The following YTHDC2 variants were observed in gnomAD, a reference collection of about 807,000 sequenced individuals.
YTHDC2 encodes the protein 3'-5' RNA helicase YTHDC2.
YTHDC2 carries 45 observed loss-of-function variants against 174.9 expected under a neutral mutation model. The observed-to-expected ratio is 0.26, with a 90% CI of 0.20 to 0.33. YTHDC2 has a LOEUF of 0.33. Ranked by LOEUF, YTHDC2 falls within the 10% of genes least tolerant of loss-of-function variation. The pLI is 1.00. For missense variants in YTHDC2, 1,650 were observed against 1,723.7 expected (o/e 0.96, Z 0.76); for synonymous variants, 657 against 574.5 (o/e 1.14, Z -2.05).
intron 18 of YTHDC2, among the ~76,000 whole-genome samples, chr5:113,562,701 C>T (rs995813642): frequency 6.6e-6 from 1 of 152,082 alleles, no homozygotes; most frequent in Admixed American, 6.5e-5. Context: ...CCCCTTATTC[C>T]TTATATAGTT....
At chr5:113,566,043 C>G in intron 21 of YTHDC2, 24 bp downstream of exon 21, 1 of 1,584,130 alleles carries the variant, frequency 6.3e-7, no homozygotes. Context: ...CTCAAAGAGC[C>G]TATTTAAGTT....
chr5:113,565,858 ATG>A, intron 20 of YTHDC2, 33 bp from the exon 21 acceptor site: 2 of 1,595,924 alleles, frequency 1.3e-6, no homozygotes, highest in Non-Finnish European at 1.7e-6. Flanking sequence ...CGATTAGTAA[ATG>A]TGTCTTGTTA....
intron 26 of YTHDC2, among the ~76,000 whole-genome samples, chr5:113,589,283 T>A (rs1445921738): frequency 6.6e-6 from 1 of 151,572 alleles, no homozygotes; most frequent in African/African-American, 2.4e-5. Flanking sequence ...TCTACTGTTT[T>A]GTCTGTACGT....
chr5:113,556,844 T>A (rs1270014087), intron 17 of YTHDC2, among the ~76,000 whole-genome samples: 1 of 152,190 alleles, frequency 6.6e-6, no homozygotes, highest in Non-Finnish European at 1.5e-5. Context: ...AGACTGTTCT[T>A]TGAAGCATTG....
chr5:113,566,996 C>T (rs967347267), intron 21 of YTHDC2, 96 bp from the exon 22 acceptor site: 9 of 1,339,440 alleles, frequency 6.7e-6, no homozygotes, highest in South Asian at 1.5e-5. Context: ...ATTTGAATAT[C>T]ACAAAATTTA....
At chr5:113,580,717 T>A (rs1380733007) in intron 24 of YTHDC2, among the ~76,000 whole-genome samples, 2 of 152,214 alleles carry the variant, frequency 1.3e-5, no homozygotes, top group Non-Finnish European at 2.9e-5. Context: ...AAATGTGACC[T>A]CTATTATTTA....
intron 25 of YTHDC2, 38 bp from the exon 26 acceptor site, chr5:113,584,264 A>G: frequency 6.4e-7 from 1 of 1,569,286 alleles, no homozygotes; most frequent in Non-Finnish European, 8.7e-7. Flanking sequence ...TGACGAACTT[A>G]TATATAACTG....
At chr5:113,514,450 G>C (rs1201676759) in intron 1 of YTHDC2, among the ~76,000 whole-genome samples, 2 of 152,232 alleles carry the variant, frequency 1.3e-5, no homozygotes, top group Admixed American at 6.5e-5. Flanking sequence ...TACAGATGTA[G>C]AAGAGCAGAA....
chr5:113,518,153 G>T (rs1429420237), intron 2 of YTHDC2, among the ~76,000 whole-genome samples: 1 of 149,412 alleles, frequency 6.7e-6, no homozygotes, highest in East Asian at 2.0e-4. Flanking sequence ...CTCCCAAAGT[G>T]CTGGGATTAC....
At chr5:113,550,127 A>AC (rs397711184) in intron 12 of YTHDC2, among the ~76,000 whole-genome samples, 4,707 of 149,314 alleles carry the variant, frequency 0.032, 96 homozygotes, top group African/African-American at 0.054. Context: ...GAAAAAAAAA[A>AC]CGGGTAAAAC....
chr5:113,542,018 T>A (rs991100442), intron 9 of YTHDC2, among the ~76,000 whole-genome samples: 2 of 152,160 alleles, frequency 1.3e-5, no homozygotes, highest in African/African-American at 4.8e-5. Context: ...GGACCTGGCA[T>A]CAGTATTAAA....
chr5:113,587,640 CATT>C (rs532230746), intron 26 of YTHDC2, among the ~76,000 whole-genome samples: 54 of 147,758 alleles, frequency 3.7e-4, no homozygotes, highest in Middle Eastern at 3.5e-3. Flanking sequence ...GGTACACTGA[CATT>C]ATTTTAGTAG....
In YTHDC2 at chr5:113,553,683, A is replaced by T. The variant is rs74322600; in HGVS notation, c.1961A>T (p.His654Leu). The T allele has an allele frequency of 2.5e-6, 4 of 1,613,492 alleles. No individual in the cohort carries two copies. The Admixed American group carries it at 5.0e-5, about 20-fold the overall frequency. The change falls in exon 14 of 30, where the codon CAT becomes CTT. Residue 654 changes from histidine (H) to leucine (L), a missense_variant. This residue lies in a region of YTHDC2 where 913 missense variants were observed against 940.4 expected (regional missense o/e 0.97). Transcript: ENST00000161863. ...GACAAGCGGTTTGCTGACAGTACAC[A>T]TAGGTAAGGGCTAAAGCCTTATATC... ...FDDKRFADST[H>L]RYQVFMLHSN...
At chr5:113,528,535 T>C (rs948945447) in intron 4 of YTHDC2, among the ~76,000 whole-genome samples, 9 of 151,934 alleles carry the variant, frequency 5.9e-5, no homozygotes, top group African/African-American at 1.9e-4. Flanking sequence ...TTTTTTTTTT[T>C]CTTTTGCGAC....
chr5:113,555,997 A>G (rs971503414), intron 16 of YTHDC2, 55 bp from the exon 17 acceptor site: 2 of 1,096,972 alleles, frequency 1.8e-6, no homozygotes, highest in Admixed American at 2.0e-5. Context: ...CATTCTTGCT[A>G]TTACCTTTTA....
At chr5:113,584,152 A>C in intron 25 of YTHDC2, 150 bp from the exon 26 acceptor site, 1 of 609,316 alleles carries the variant, frequency 1.6e-6, no homozygotes, top group East Asian at 2.9e-5. Flanking sequence ...TCCTGACCTT[A>C]GTATTTTTAA....
At chr5:113,530,114 A>G (rs939527661) in intron 4 of YTHDC2, among the ~76,000 whole-genome samples, 1 of 152,182 alleles carries the variant, frequency 6.6e-6, no homozygotes, top group African/African-American at 2.4e-5. Flanking sequence ...TCCTATAAAT[A>G]TTTTATTCTA....
At chr5:113,565,739 A>G (rs1324438719) in intron 20 of YTHDC2, 154 bp from the exon 21 acceptor site, 2 of 700,002 alleles carry the variant, frequency 2.9e-6, no homozygotes, top group Non-Finnish European at 4.2e-6. Flanking sequence ...TTAATGATAA[A>G]TATTATTTGA....
Position 113,539,149 on chromosome 5 carries a change from A to C in YTHDC2, c.1178A>C (p.Glu393Ala), listed in dbSNP as rs371670755. 3.6e-4 allele frequency: 503 copies of C among 1,397,790 alleles called. No homozygotes were observed. The highest frequency in any genetic ancestry group is 4.5e-4 in the Non-Finnish European group (466 of 1,040,488). The allele number at this position is 1,397,790 out of a possible 1,614,324, so 86.6% of individuals were successfully genotyped here. Residue 393 changes from glutamate to alanine, a missense_variant, in exon 8 of 30, where the codon GAA (glutamate) becomes GCA (alanine). Glu to Ala is a moderately radical substitution (Grantham distance 107). Transcript: ENST00000161863. Reference sequence around the variant, plus strand: ...AGAACAACTGGATATACAAACAAAGAAATGTTAAAATATAAAAAGGAAAAA... The same window carrying C: ...AGAACAACTGGATATACAAACAAAGCAATGTTAAAATATAAAAAGGAAAAA... ...ILRTTGYTNK[E>A]MLKYKKEKQQ...
Sources: allele counts gnomAD v4.1 joint callset (sites outside exome capture counted in the v4.1 genomes callset), GRCh38; gene constraint gnomAD v4.1.1; regional missense constraint gnomAD v4.1.1; transcripts MANE v1.5; gene names NCBI Gene and HGNC (gene_info 2026-07-23, HGNC 2026-07-21).